The following SIAH3 variants were observed in gnomAD, a reference collection of about 807,000 sequenced individuals.
SIAH3 encodes the protein siah E3 ubiquitin protein ligase family member 3, also known as seven in absentia homolog 3.
A neutral mutation model predicts 12.6 loss-of-function variants in SIAH3; 9 were observed. The ratio of observed to expected loss-of-function variants is 0.72; its 90% CI spans 0.43 to 1.25. SIAH3 has a LOEUF of 1.25. Ranked by LOEUF, SIAH3 falls within the 50% of genes most tolerant of loss-of-function variation. SIAH3 has a pLI of 0.00. For synonymous variants in SIAH3, 154 were observed against 151.1 expected, an observed-to-expected ratio of 1.02 and a Z score of -0.14; for missense variants, 390 against 365.4, an observed-to-expected ratio of 1.07 and a Z score of -0.55.
Position 45,780,711 on chromosome 13 carries a change from G to A in SIAH3, c.*2672C>T, listed in dbSNP as rs1010305884. ...AGCTGGCAAGACTGCTGAATATTTCGGATCAGTCTTACTTCAAGAACACCA... is the reference window on the plus strand; with the variant it reads ...AGCTGGCAAGACTGCTGAATATTTCAGATCAGTCTTACTTCAAGAACACCA... On this transcript the variant is annotated 3_prime_UTR_variant, in exon 2 of 2. Transcript: ENST00000400405. The A allele has an allele frequency of 1.3e-5, 2 of 152,154 alleles. No homozygotes were observed. Among genetic ancestry groups the A allele is most frequent in the Non-Finnish European group, 2.9e-5 (2 of 68,040 alleles). The allele number at this position is 152,154 out of a possible 1,614,324, so 9.4% of individuals were successfully genotyped here. A position where few individuals can be genotyped will look rare whatever the true frequency, so the allele number is the denominator to read the frequency against.
At chr13:45,786,434 T>C (rs1225094658) in intron 1 of SIAH3, among the ~76,000 whole-genome samples, 2 of 152,162 alleles carry the variant, frequency 1.3e-5, no homozygotes, top group Non-Finnish European at 2.9e-5. Context: ...ACACAGCTCC[T>C]AAGGGCTGCA....
chr13:45,811,030 G>A (rs545068356), intron 1 of SIAH3, among the ~76,000 whole-genome samples: 1 of 152,192 alleles, frequency 6.6e-6, no homozygotes, highest in African/African-American at 2.4e-5. Flanking sequence ...AATGAGCTTT[G>A]GAACCCTAAG....
At position 45,779,556 on chromosome 13, in the gene SIAH3, C is replaced by T. The variant is rs938361616; in HGVS notation, c.*3827G>A. On this transcript the variant is annotated 3_prime_UTR_variant, in exon 2 of 2. Transcript: ENST00000400405. ...TGCTGTTGGTCAGAAGCCATACGTACCCGGTCCCAGGCCCAGCTCTGCCAT... is the reference window on the plus strand; with the variant it reads ...TGCTGTTGGTCAGAAGCCATACGTATCCGGTCCCAGGCCCAGCTCTGCCAT... The T allele has an allele frequency of 9.9e-5, 15 of 152,154 alleles. No homozygotes were observed. The highest frequency in any genetic ancestry group is 3.6e-4 in the African/African-American group (15 of 41,444). The allele number at this position is 152,154 out of a possible 1,614,324, so 9.4% of individuals were successfully genotyped here.
intron 1 of SIAH3, among the ~76,000 whole-genome samples, chr13:45,851,192 C>T (rs1057109030): frequency 6.6e-6 from 1 of 152,202 alleles, no homozygotes; most frequent in East Asian, 1.9e-4. Flanking sequence ...CCCCCCTGTT[C>T]CCTCCACCAC....
intron 1 of SIAH3, among the ~76,000 whole-genome samples, chr13:45,841,528 A>G (rs1950740125): frequency 6.6e-6 from 1 of 152,184 alleles, no homozygotes. Flanking sequence ...CCTCCTTATC[A>G]TAGATTCTTG....
intron 1 of SIAH3, among the ~76,000 whole-genome samples, chr13:45,789,368 CTATCTATCTAT>C (rs1950538297): frequency 5.0e-5 from 1 of 20,080 alleles, no homozygotes; most frequent in Non-Finnish European, 1.2e-4. Context: ...ATCTATCTAT[CTATCTATCTAT>C]CTATCTATCT....
At chr13:45,799,044 C>G (rs1289019415) in intron 1 of SIAH3, among the ~76,000 whole-genome samples, 1 of 152,228 alleles carries the variant, frequency 6.6e-6, no homozygotes, top group Non-Finnish European at 1.5e-5. Context: ...ACTGCCAGAA[C>G]TCTGTGTTTC....
intron 1 of SIAH3, among the ~76,000 whole-genome samples, chr13:45,851,014 C>T (rs1593391643): frequency 7.9e-6 from 1 of 126,938 alleles, no homozygotes; most frequent in African/African-American, 2.9e-5. Context: ...CTCCCCCCAC[C>T]CCACCGACGT....
intron 1 of SIAH3, among the ~76,000 whole-genome samples, chr13:45,837,538 A>AC (rs1950722254): frequency 7.6e-6 from 1 of 131,614 alleles, no homozygotes; most frequent in Non-Finnish European, 1.7e-5. Flanking sequence ...AAGAGACAAG[A>AC]AGGAAGGAAG....
chr13:45,819,227 C>T (rs889636931), intron 1 of SIAH3, among the ~76,000 whole-genome samples: 2 of 152,214 alleles, frequency 1.3e-5, no homozygotes, highest in South Asian at 2.1e-4. Context: ...GACTACTTGC[C>T]TCCAGATTGC....
chr13:45,790,642 A>G (rs1050120422), intron 1 of SIAH3, among the ~76,000 whole-genome samples: 7 of 152,170 alleles, frequency 4.6e-5, no homozygotes, highest in Non-Finnish European at 8.8e-5. Flanking sequence ...CCGACATGCA[A>G]TGTATGCTTG....
intron 1 of SIAH3, among the ~76,000 whole-genome samples, chr13:45,821,813 G>T (rs551685721): frequency 2.0e-5 from 3 of 152,164 alleles, no homozygotes; most frequent in Admixed American, 2.0e-4. Context: ...TGCTCAGCAC[G>T]TTGGGTAGGA....
intron 1 of SIAH3, among the ~76,000 whole-genome samples, chr13:45,794,069 T>G (rs1950554824): frequency 6.6e-6 from 1 of 150,728 alleles, no homozygotes; most frequent in South Asian, 2.1e-4. Context: ...CCCTAGCACC[T>G]TCAGAAGCTG....
chr13:45,815,864 G>T (rs778179444), intron 1 of SIAH3, among the ~76,000 whole-genome samples: 2 of 152,194 alleles, frequency 1.3e-5, no homozygotes, highest in Non-Finnish European at 2.9e-5. Context: ...GCCGACAGAG[G>T]CCGTTAAGGT....
intron 1 of SIAH3, among the ~76,000 whole-genome samples, chr13:45,846,978 A>T (rs1950762507): frequency 6.6e-6 from 1 of 152,242 alleles, no homozygotes; most frequent in Non-Finnish European, 1.5e-5. Flanking sequence ...CACAGAACCC[A>T]TGGGCTGGAA....
Position 45,783,369 on chromosome 13 carries a change from C to T in SIAH3, c.*14G>A, listed in dbSNP as rs765630429. The T allele has an allele frequency of 5.4e-5, 87 of 1,596,602 alleles. No homozygotes were observed. In the East Asian group the frequency reaches 1.7e-3, roughly 32 times the overall value. On this transcript the variant is annotated 3_prime_UTR_variant, in exon 2 of 2. Coordinates refer to ENST00000400405, the MANE Select transcript of SIAH3 (RefSeq NM_198849.3). ...CTAGGGAGGCTGTGTGGGGAGCATC[C>T]GTGGCTCCTGGCCTCACATTTCAGC... is the stretch of plus-strand genomic sequence containing the variant.
chr13:45,844,810 A>G (rs1950753003), intron 1 of SIAH3, among the ~76,000 whole-genome samples: 1 of 152,252 alleles, frequency 6.6e-6, no homozygotes, highest in Non-Finnish European at 1.5e-5. Flanking sequence ...AGTTAAGTGT[A>G]TGAAACTACT....
rs903071336 is a variant in SIAH3, at chr13:45,827,398, C to A, written c.135+24097G>T. 2.0e-5 allele frequency among the ~76,000 whole-genome samples: 3 copies of A among 152,198 alleles called. No homozygotes were observed. In the South Asian group the frequency reaches 6.2e-4, roughly 32 times the overall value. ...AACTATGCTAGAAACCATCTACCCC[C>A]AGGCTGTGATTTGTAAGAAAAACAA... On this transcript the variant is annotated intron_variant, in intron 1 of 1. Transcript: ENST00000400405.
In SIAH3 at chr13:45,838,820, A is replaced by G. The variant is rs115123612; in HGVS notation, c.135+12675T>C. ...GTTTTTCTCCCGCTTTCTAGGGTCA[A>G]TGTGGACACAGTCCCTCCTTTCTCT... On this transcript the variant is annotated intron_variant, in intron 1 of 1. Coordinates refer to ENST00000400405, the MANE Select transcript of SIAH3 (RefSeq NM_198849.3). 3.3e-3 allele frequency among the ~76,000 whole-genome samples: 505 copies of G among 151,832 alleles called. 2 individuals carry two copies. Among genetic ancestry groups the G allele is most frequent in the African/African-American group, 0.012 (480 of 41,396 alleles).
Sources: gnomAD v4.1 joint callset for allele counts (sites outside exome capture counted in the v4.1 genomes callset) on GRCh38, gnomAD v4.1.1 for gene constraint, MANE v1.5 for transcripts, NCBI Gene and HGNC (gene_info 2026-07-23, HGNC 2026-07-21) for gene names.